The following PHLPP1 variants were observed in gnomAD, a reference collection of about 807,000 sequenced individuals.
PHLPP1 encodes the protein PH domain leucine-rich repeat-containing protein phosphatase 1.
In PHLPP1, 42 loss-of-function variants were observed where a neutral mutation model predicts 117.2. The observed-to-expected ratio is 0.36, with a 90% CI of 0.28 to 0.46. The LOEUF (loss-of-function observed/expected upper bound fraction) is 0.46. PHLPP1 is among the 20% of genes least tolerant of loss of function. The pLI is 1.00. For synonymous variants in PHLPP1, 1,042 were observed against 970.7 expected (o/e 1.07, Z -1.37); for missense variants, 2,084 against 2,241.9 (o/e 0.93, Z 1.42).
At chr18:62,852,623 G>A (rs1304697459) in intron 3 of PHLPP1, among the ~76,000 whole-genome samples, 2 of 152,160 alleles carry the variant, frequency 1.3e-5, no homozygotes, top group African/African-American at 2.4e-5. Context: ...GATTACAGGC[G>A]TGAGCCACCA....
intron 1 of PHLPP1, among the ~76,000 whole-genome samples, chr18:62,722,014 C>G (rs1910935041): frequency 6.6e-6 from 1 of 152,132 alleles, no homozygotes; most frequent in Admixed American, 6.5e-5. Flanking sequence ...TGTTAAGCAG[C>G]TGGTGGTGTG....
chr18:62,963,267 A>G (rs1463733893), intron 13 of PHLPP1, 101 bp from the exon 14 acceptor site: 4 of 724,536 alleles, frequency 5.5e-6, no homozygotes, highest in African/African-American at 5.3e-5. Flanking sequence ...TGGTAAGTAC[A>G]GAGTGTTTAA....
At chr18:62,958,014 C>T (rs552626050) in intron 12 of PHLPP1, among the ~76,000 whole-genome samples, 7 of 152,088 alleles carry the variant, frequency 4.6e-5, no homozygotes, top group Admixed American at 1.3e-4. Flanking sequence ...GGTGCACCTA[C>T]CGTATTCAAG....
intron 14 of PHLPP1, among the ~76,000 whole-genome samples, chr18:62,970,719 C>G (rs897318093): frequency 5.3e-5 from 8 of 152,006 alleles, no homozygotes; most frequent in Admixed American, 2.6e-4. Flanking sequence ...GAACCAAGAT[C>G]ACACCACTGC....
intron 1 of PHLPP1, among the ~76,000 whole-genome samples, chr18:62,802,884 G>A (rs1913826972): frequency 6.6e-6 from 1 of 152,068 alleles, no homozygotes; most frequent in Admixed American, 6.5e-5. Flanking sequence ...AAATTAGATT[G>A]GAGTTCAGAG....
Position 62,717,123 on chromosome 18 carries a change from C to T in PHLPP1, c.1440C>T (p.Thr480=). 1 of 1,592,030 alleles carries T rather than the reference C, an allele frequency of 6.3e-7. No individual in the cohort carries two copies. Among genetic ancestry groups the T allele is most frequent in the South Asian group, 1.1e-5 (1 of 87,842 alleles). Residue 480 remains threonine (T), a synonymous_variant, in exon 1 of 17, where the codon ACC becomes ACT. Coordinates refer to ENST00000262719, the MANE Select transcript of PHLPP1 (RefSeq NM_194449.4). Reference sequence around the variant, plus strand: ...ACGTGCAGCTCCACGGAGAGACCACCCGGCGCTTGGAGGCGGAGGAGAAGC... The same window carrying T: ...ACGTGCAGCTCCACGGAGAGACCACTCGGCGCTTGGAGGCGGAGGAGAAGC... ...TLYVQLHGET[T]RRLEAEEKPL...
chr18:62,940,599 T>G (rs1195851013), intron 10 of PHLPP1, among the ~76,000 whole-genome samples: 3 of 151,892 alleles, frequency 2.0e-5, no homozygotes, highest in African/African-American at 4.8e-5. Flanking sequence ...CTCCTGACCT[T>G]GTGATCCGCC....
chr18:62,819,145 A>G (rs1166299898), intron 1 of PHLPP1, among the ~76,000 whole-genome samples: 3 of 152,224 alleles, frequency 2.0e-5, no homozygotes, highest in South Asian at 2.1e-4. Context: ...ATGTAAGGAA[A>G]CAAACAAATG....
At chr18:62,749,081 C>T (rs1599024614) in intron 1 of PHLPP1, among the ~76,000 whole-genome samples, 1 of 152,074 alleles carries the variant, frequency 6.6e-6, no homozygotes, top group African/African-American at 2.4e-5. Context: ...TCTGATAACT[C>T]GTCTTCATTT....
chr18:62,959,961 T>C (rs1266890883), intron 13 of PHLPP1, among the ~76,000 whole-genome samples: 1 of 152,076 alleles, frequency 6.6e-6, no homozygotes, highest in Admixed American at 6.6e-5. Context: ...CCTAAACCCC[T>C]CCATCTGTCC....
intron 1 of PHLPP1, among the ~76,000 whole-genome samples, chr18:62,735,969 T>TA (rs35683669): frequency 0.037 from 5,312 of 144,914 alleles, 134 homozygotes; most frequent in Middle Eastern, 0.063. Context: ...CATAAAAAAT[T>TA]AAAAAAAAAA....
intron 8 of PHLPP1, 72 bp from the exon 9 acceptor site, chr18:62,914,841 T>C (rs1223392771): frequency 3.0e-6 from 3 of 988,922 alleles, no homozygotes; most frequent in Admixed American, 2.2e-5. Context: ...ATTTATTCTT[T>C]GTAATCAATT....
At chr18:62,947,948 C>A (rs558857131) in intron 12 of PHLPP1, among the ~76,000 whole-genome samples, 1 of 152,262 alleles carries the variant, frequency 6.6e-6, no homozygotes, top group East Asian at 1.9e-4. Flanking sequence ...ATCACTTGAA[C>A]CCGAAGGCAG....
intron 4 of PHLPP1, among the ~76,000 whole-genome samples, chr18:62,894,042 T>TA (rs1916490671): frequency 6.6e-6 from 1 of 151,970 alleles, no homozygotes; most frequent in African/African-American, 2.4e-5. Context: ...ATGAAACTGC[T>TA]AAAAAACCTA....
chr18:62,790,858 A>G (rs1039029865), intron 1 of PHLPP1, among the ~76,000 whole-genome samples: 3 of 152,150 alleles, frequency 2.0e-5, no homozygotes, highest in African/African-American at 7.2e-5. Flanking sequence ...TTGAGGATGA[A>G]GTGGTTAACT....
intron 9 of PHLPP1, among the ~76,000 whole-genome samples, chr18:62,917,714 T>A (rs375242397): frequency 2.6e-5 from 4 of 151,432 alleles, no homozygotes; most frequent in African/African-American, 9.7e-5. Context: ...TTGGAAGGCT[T>A]GAGGCAGGAG....
At chr18:62,959,980 A>G (rs976948902) in intron 13 of PHLPP1, among the ~76,000 whole-genome samples, 1 of 152,172 alleles carries the variant, frequency 6.6e-6, no homozygotes, top group Non-Finnish European at 1.5e-5. Context: ...CCACACCTAT[A>G]AGATGAGAAA....
chr18:62,881,890 G>A (rs1366031996), intron 4 of PHLPP1, among the ~76,000 whole-genome samples: 1 of 152,218 alleles, frequency 6.6e-6, no homozygotes, highest in African/African-American at 2.4e-5. Context: ...GCCAAAAGGA[G>A]TTGAGTCATG....
intron 6 of PHLPP1, among the ~76,000 whole-genome samples, chr18:62,900,565 G>A (rs1441643781): frequency 2.0e-5 from 3 of 147,990 alleles, no homozygotes; most frequent in African/African-American, 5.0e-5. Context: ...TCCTGGGTTC[G>A]AGTGATCTTC....
Sources: gnomAD v4.1 joint callset for allele counts (sites outside exome capture counted in the v4.1 genomes callset) on GRCh38, gnomAD v4.1.1 for gene constraint, MANE v1.5 for transcripts, NCBI Gene and HGNC (gene_info 2026-07-23, HGNC 2026-07-21) for gene names.